MECOM: variants seen among roughly 807,000 people sequenced by gnomAD.
The protein encoded by MECOM is MDS1 and EVI1 complex locus, also known as histone-lysine N-methyltransferase MECOM.
A neutral mutation model predicts 116.3 loss-of-function variants in MECOM; 13 were observed. That is an observed-to-expected ratio of 0.11 (90% CI 0.07 to 0.18). MECOM has a LOEUF of 0.18. Ranked by LOEUF, MECOM falls within the 10% of genes least tolerant of loss-of-function variation. The pLI, the probability that MECOM is intolerant of heterozygous loss-of-function variation, is 1.00. For synonymous variants in MECOM, 528 were observed against 535.2 expected, an observed-to-expected ratio of 0.99 and a Z score of 0.19; for missense variants, 1,299 against 1,509.0, an observed-to-expected ratio of 0.86 and a Z score of 2.31.
intron 10 of MECOM, among the ~76,000 whole-genome samples, chr3:169,103,570 T>C (rs1021017437): frequency 1.3e-5 from 2 of 152,160 alleles, no homozygotes; most frequent in African/African-American, 4.8e-5. Flanking sequence ...ACATAAGAAC[T>C]GAGATGATCA....
At chr3:169,278,970 A>C (rs764395407) in intron 2 of MECOM, among the ~76,000 whole-genome samples, 2 of 152,234 alleles carry the variant, frequency 1.3e-5, no homozygotes, top group Non-Finnish European at 2.9e-5. Flanking sequence ...GCTCTGGCCT[A>C]GGCAGGCTCA....
chr3:169,479,270 A>AGTGTGT (rs10629993), intron 1 of MECOM, among the ~76,000 whole-genome samples: 5,525 of 148,680 alleles, frequency 0.037, 224 homozygotes, highest in East Asian at 0.24. Flanking sequence ...TAGGGATGTG[A>AGTGTGT]GTGTGTGTGT....
intron 2 of MECOM, among the ~76,000 whole-genome samples, chr3:169,233,984 A>G (rs1447193362): frequency 1.3e-5 from 2 of 152,166 alleles, no homozygotes; most frequent in Non-Finnish European, 2.9e-5. Flanking sequence ...AAAGTCTATA[A>G]CATAGTAGAT....
intron 2 of MECOM, among the ~76,000 whole-genome samples, chr3:169,266,278 T>C (rs908770965): frequency 6.6e-6 from 1 of 152,214 alleles, no homozygotes; most frequent in African/African-American, 2.4e-5. Context: ...CATAAACACA[T>C]CTGTTAGTAA....
At chr3:169,147,229 G>A in intron 2 of MECOM, 6 of 985,612 alleles carry the variant, frequency 6.1e-6, no homozygotes, top group African/African-American at 1.7e-5. Context: ...CAAGCAGGAG[G>A]AGGAGAGTTT....
chr3:169,586,335 ATC>A (rs1204881860), intron 1 of MECOM, among the ~76,000 whole-genome samples: 1 of 152,246 alleles, frequency 6.6e-6, no homozygotes, highest in Non-Finnish European at 1.5e-5. Flanking sequence ...TATTTTAAGC[ATC>A]TAAAGCCAAC....
intron 1 of MECOM, among the ~76,000 whole-genome samples, chr3:169,633,902 CAAAAAAAAAA>C (rs3045472): frequency 2.9e-5 from 4 of 137,142 alleles, no homozygotes; most frequent in African/African-American, 8.2e-5. Flanking sequence ...GTGACCCTGG[CAAAAAAAAAA>C]AAAAAACAAA....
chr3:169,660,346 G>A (rs377609902), intron 1 of MECOM, among the ~76,000 whole-genome samples: 1 of 151,852 alleles, frequency 6.6e-6, no homozygotes, highest in East Asian at 1.9e-4. Context: ...CTTCCCAAAT[G>A]ATTTACAACG....
intron 1 of MECOM, among the ~76,000 whole-genome samples, chr3:169,508,307 C>T (rs962046757): frequency 1.3e-5 from 2 of 151,868 alleles, no homozygotes. Context: ...TTGTTTTAAC[C>T]GCTGTAAAAT....
chr3:169,118,625 TTGA>T (rs1330936437), intron 7 of MECOM, among the ~76,000 whole-genome samples: 1 of 152,214 alleles, frequency 6.6e-6, no homozygotes. Context: ...AAAAAATGTC[TTGA>T]TGAGTATTCA....
intron 2 of MECOM, among the ~76,000 whole-genome samples, chr3:169,214,263 A>G (rs1195306748): frequency 6.6e-6 from 1 of 152,080 alleles, no homozygotes; most frequent in Admixed American, 6.6e-5. Flanking sequence ...TAGAAAAGAG[A>G]ACTAAACTAA....
At chr3:169,270,477 G>C (rs777292218) in intron 2 of MECOM, among the ~76,000 whole-genome samples, 69 of 151,866 alleles carry the variant, frequency 4.5e-4, no homozygotes, top group Middle Eastern at 3.4e-3. Flanking sequence ...ACATATTTAT[G>C]TTAAATATTA....
rs1237906532 is a variant in MECOM, at chr3:169,441,744, T to TTTTTG, written c.38-60221_38-60220insCAAAA. On this transcript the variant is annotated intron_variant, in intron 1 of 16. Transcript: ENST00000651503. ...TCTTCTCTTCTTTTTTTTTTTTTTT[T>TTTTTG]AAAAAAGGGGGGGTCTTGCTCTGTC... 2.5e-4 allele frequency among the ~76,000 whole-genome samples: 36 copies of TTTTTG among 142,100 alleles called. 5 individuals carry two copies. Among genetic ancestry groups the TTTTTG allele is most frequent in the Non-Finnish European group, 4.6e-4 (29 of 63,438 alleles). The allele number at this position is 142,100 out of a possible 152,430, so 93.2% of individuals were successfully genotyped here.
intron 2 of MECOM, among the ~76,000 whole-genome samples, chr3:169,354,704 C>G (rs1171141768): frequency 6.6e-6 from 1 of 151,902 alleles, no homozygotes; most frequent in Non-Finnish European, 1.5e-5. Flanking sequence ...GTTGCTAGAA[C>G]CTCAGGATGC....
chr3:169,358,577 T>A (rs556455999), intron 2 of MECOM, among the ~76,000 whole-genome samples: 1 of 149,042 alleles, frequency 6.7e-6, no homozygotes, highest in African/African-American at 2.5e-5. Flanking sequence ...AAGACCAAGA[T>A]GGTAGAAGGG....
intron 2 of MECOM, among the ~76,000 whole-genome samples, chr3:169,219,051 A>G (rs1427078513): frequency 1.3e-5 from 2 of 152,104 alleles, no homozygotes; most frequent in Non-Finnish European, 2.9e-5. Context: ...TTTTGCAACA[A>G]CTATAAAATT....
chr3:169,659,132 CATGT>C (rs1314789318), intron 1 of MECOM, among the ~76,000 whole-genome samples: 1 of 148,456 alleles, frequency 6.7e-6, no homozygotes, highest in African/African-American at 2.5e-5. Context: ...CGTGGAATGA[CATGT>C]TAATTTCTAG....
At chr3:169,374,003 A>G (rs1577896238) in intron 2 of MECOM, among the ~76,000 whole-genome samples, 1 of 152,070 alleles carries the variant, frequency 6.6e-6, no homozygotes. Flanking sequence ...AACCCCCATT[A>G]GGGCTATTTT....
chr3:169,509,529 G>C (rs563785744), intron 1 of MECOM, among the ~76,000 whole-genome samples: 2 of 151,930 alleles, frequency 1.3e-5, no homozygotes, highest in African/African-American at 4.8e-5. Flanking sequence ...ATTTCCTCCT[G>C]CCCCTGGTAA....
Sources: allele counts gnomAD v4.1 joint callset (sites outside exome capture counted in the v4.1 genomes callset), GRCh38; gene constraint gnomAD v4.1.1; transcripts MANE v1.5; gene names NCBI Gene and HGNC (gene_info 2026-07-23, HGNC 2026-07-21).